Variants in RBMS1 observed in about 807,000 individuals in gnomAD.
The protein encoded by RBMS1 is RNA-binding motif, single-stranded-interacting protein 1.
In RBMS1, 17 loss-of-function variants were observed where a neutral mutation model predicts 62.3. The ratio of observed to expected loss-of-function variants is 0.27; its 90% CI spans 0.19 to 0.41. The LOEUF (loss-of-function observed/expected upper bound fraction) is 0.41, where lower values mean the gene tolerates loss of function less well. RBMS1 is among the 10% of genes least tolerant of loss of function. RBMS1 has a pLI of 1.00. For synonymous variants in RBMS1, 172 were observed against 170.0 expected, an observed-to-expected ratio of 1.01 and a Z score of -0.09; for missense variants, 334 against 504.5, an observed-to-expected ratio of 0.66 and a Z score of 3.24.
chr2:160,466,926 A>G (rs998671056), intron 1 of RBMS1, among the ~76,000 whole-genome samples: 2 of 152,204 alleles, frequency 1.3e-5, no homozygotes. Context: ...ATGGGATGAT[A>G]ATAATTATTT....
rs1303238794 is a variant in RBMS1, at chr2:160,384,838, C to T, written c.76-17447G>A. Among the ~76,000 whole-genome samples, 3 of 152,202 alleles carry T rather than the reference C, an allele frequency of 2.0e-5. No individual in the cohort carries two copies. In the East Asian group the frequency reaches 5.8e-4, roughly 29 times the overall value. ...GATTTGTGTCCCTCCAAATCTCACA[C>T]TGAAATGTGATCCCCACTGTTGAAG... is the stretch of plus-strand genomic sequence containing the variant. On this transcript the variant is annotated intron_variant, in intron 1 of 13. Transcript: ENST00000348849.
chr2:160,415,933 A>C (rs957768128), intron 1 of RBMS1, among the ~76,000 whole-genome samples: 1 of 152,070 alleles, frequency 6.6e-6, no homozygotes, highest in African/African-American at 2.4e-5. Flanking sequence ...AAAGGTTCAA[A>C]TAAGAAGATA....
At chr2:160,345,046 G>A (rs963115055) in intron 2 of RBMS1, among the ~76,000 whole-genome samples, 3 of 152,062 alleles carry the variant, frequency 2.0e-5, no homozygotes, top group Admixed American at 6.6e-5. Context: ...ACTATTTTAC[G>A]CCTGTTTTAC....
chr2:160,424,163 C>CAT (rs1696547684), intron 1 of RBMS1, among the ~76,000 whole-genome samples: 1 of 151,804 alleles, frequency 6.6e-6, no homozygotes, highest in Non-Finnish European at 1.5e-5. Flanking sequence ...GGATTACAGG[C>CAT]GCCCGCCACC....
At chr2:160,463,594 G>A (rs1684561965) in intron 1 of RBMS1, among the ~76,000 whole-genome samples, 1 of 152,170 alleles carries the variant, frequency 6.6e-6, no homozygotes, top group Non-Finnish European at 1.5e-5. Context: ...AGACCAGCCT[G>A]GCTAACATGG....
intron 1 of RBMS1, among the ~76,000 whole-genome samples, chr2:160,449,234 A>G (rs1309945925): frequency 1.5e-5 from 2 of 135,102 alleles, no homozygotes; most frequent in Non-Finnish European, 3.1e-5. Context: ...CAGCCGCCCC[A>G]TCTGGGAGGG....
chr2:160,389,033 G>A (rs1314240651), intron 1 of RBMS1, among the ~76,000 whole-genome samples: 1 of 152,208 alleles, frequency 6.6e-6, no homozygotes, highest in Non-Finnish European at 1.5e-5. Flanking sequence ...AAAAATTTCA[G>A]AAAACAGCTG....
At chr2:160,416,060 C>G (rs927884276) in intron 1 of RBMS1, 1 of 148,790 alleles carries the variant, frequency 6.7e-6, no homozygotes, top group African/African-American at 2.5e-5. Flanking sequence ...TAAAAATTCC[C>G]CACCCTGAGT....
At chr2:160,415,473 A>G (rs1696176328) in intron 1 of RBMS1, among the ~76,000 whole-genome samples, 1 of 151,960 alleles carries the variant, frequency 6.6e-6, no homozygotes, top group Admixed American at 6.6e-5. Flanking sequence ...AAGAGACAGA[A>G]AGTACTTAGG....
At chr2:160,347,605 G>A (rs1042950354) in intron 2 of RBMS1, among the ~76,000 whole-genome samples, 2 of 152,094 alleles carry the variant, frequency 1.3e-5, no homozygotes, top group African/African-American at 4.8e-5. Context: ...AGGTCAACAA[G>A]TACCAGTATA....
Position 160,407,959 on chromosome 2 carries a change from C to T in RBMS1, c.76-40568G>A, listed in dbSNP as rs911190851. The stretch of plus-strand genomic sequence containing the variant: ...GCAGCGCACCGCCTCGCGCCGCGCC[C>T]AGGCCCACCCGCGCCTCCCCGCCCG... On this transcript the variant is annotated intron_variant, in intron 1 of 13. Transcript: ENST00000348849. 1.8e-4 allele frequency: 172 copies of T among 974,862 alleles called. 1 individual carries two copies. The highest frequency in any genetic ancestry group is 1.9e-4 in the Admixed American group (3 of 15,728). The allele number at this position is 974,862 out of a possible 1,614,324, so 60.4% of individuals were successfully genotyped here. A position where few individuals can be genotyped will look rare whatever the true frequency, so the allele number is the denominator to read the frequency against.
At position 160,274,519 on chromosome 2, in the gene RBMS1, GTTTT is replaced by G. The variant is rs1559299128; in HGVS notation, c.*249_*252del. 1.0e-5 allele frequency: 1 copy of G among 96,386 alleles called. No homozygotes were observed. Among genetic ancestry groups the G allele is most frequent in the Non-Finnish European group, 2.2e-5 (1 of 45,400 alleles). 6.0% of individuals were successfully genotyped at this position (96,386 alleles called of 1,614,324 possible). ...CATTTGATAAAAATCTTTTGTTTTT[GTTTT>G]TTGTTTTTTTTTTTTTACTAAAATA... On this transcript the variant is annotated 3_prime_UTR_variant, in exon 14 of 14. Transcript: ENST00000348849.
intron 1 of RBMS1, among the ~76,000 whole-genome samples, chr2:160,435,132 G>A (rs1683059498): frequency 6.6e-6 from 1 of 152,208 alleles, no homozygotes; most frequent in African/African-American, 2.4e-5. Flanking sequence ...AACTTTCTAT[G>A]GAAAGAGTGG....
At position 160,274,084 on chromosome 2, in the gene RBMS1, A is replaced by C. The variant is rs1687703536; in HGVS notation, c.*688T>G. ...GCTGTTTTACAAGGCATAATAGACC[A>C]GCTCATTTGGTCAAAGCATTCTACA... On this transcript the variant is annotated 3_prime_UTR_variant, in exon 14 of 14. Transcript: ENST00000348849. 6.5e-6 allele frequency: 1 copy of C among 152,696 alleles called. No individual in the cohort carries two copies. Among genetic ancestry groups the C allele is most frequent in the African/African-American group, 2.4e-5 (1 of 41,474 alleles). The allele number at this position is 152,696 out of a possible 1,614,324, so 9.5% of individuals were successfully genotyped here.
chr2:160,305,670 G>C (rs779538306), intron 4 of RBMS1, among the ~76,000 whole-genome samples: 4 of 152,110 alleles, frequency 2.6e-5, no homozygotes, highest in Admixed American at 1.3e-4. Context: ...GCTACATCTT[G>C]AAAAATAGGG....
chr2:160,465,479 G>C (rs1045459601), intron 1 of RBMS1, among the ~76,000 whole-genome samples: 3 of 152,120 alleles, frequency 2.0e-5, no homozygotes, highest in African/African-American at 7.2e-5. Flanking sequence ...TCACATGTCA[G>C]CCCTCAGGCT....
chr2:160,439,133 C>T (rs1395792726), intron 1 of RBMS1, among the ~76,000 whole-genome samples: 3 of 144,932 alleles, frequency 2.1e-5, no homozygotes, highest in Non-Finnish European at 4.5e-5. Flanking sequence ...GGCGGCTGGC[C>T]GGGCGGGGGG....
chr2:160,347,348 C>G lies in RBMS1; in HGVS notation c.251+19868G>C, dbSNP rs1222074818. Among the ~76,000 whole-genome samples the G allele has an allele frequency of 5.3e-5, 8 of 152,216 alleles. No homozygotes were observed. The East Asian group carries it at 1.5e-3, about 29-fold the overall frequency. Reference sequence around the variant, plus strand: ...AAGCAAATACAACCTTGCCAAAACACAAGATTCTCAAACAAATTTTAAGGT... The same window carrying G: ...AAGCAAATACAACCTTGCCAAAACAGAAGATTCTCAAACAAATTTTAAGGT... On this transcript the variant is annotated intron_variant, in intron 2 of 13. Coordinates refer to ENST00000348849, the MANE Select transcript of RBMS1 (RefSeq NM_016836.4).
chr2:160,464,322 A>G (rs1247267140), intron 1 of RBMS1, among the ~76,000 whole-genome samples: 3 of 152,248 alleles, frequency 2.0e-5, no homozygotes, highest in African/African-American at 4.8e-5. Flanking sequence ...AACAAAATGA[A>G]TAAAATAAGA....
Sources: gnomAD v4.1 joint callset for allele counts (sites outside exome capture counted in the v4.1 genomes callset) on GRCh38, gnomAD v4.1.1 for gene constraint, MANE v1.5 for transcripts, NCBI Gene and HGNC (gene_info 2026-07-23, HGNC 2026-07-21) for gene names.